VRTN: variants seen among roughly 807,000 people sequenced by gnomAD.
VRTN encodes the protein vertnin.
A neutral mutation model predicts 18.2 loss-of-function variants in VRTN; 5 were observed. That is an observed-to-expected ratio of 0.27 (90% CI 0.14 to 0.58). The LOEUF (loss-of-function observed/expected upper bound fraction) is 0.58, where lower values mean the gene tolerates loss of function less well. VRTN is among the 20% of genes least tolerant of loss of function. VRTN has a pLI of 0.91. For missense variants in VRTN, 741 were observed against 939.4 expected (o/e 0.79, Z 2.76); for synonymous variants, 381 against 393.7 (o/e 0.97, Z 0.38).
chr14:74,315,566 G>T (rs2085415090), intron 1 of VRTN, among the ~76,000 whole-genome samples: 1 of 152,152 alleles, frequency 6.6e-6, no homozygotes, highest in Non-Finnish European at 1.5e-5. Flanking sequence ...CAAACAAAAA[G>T]CATTTACTGA....
At chr14:74,322,152 A>T (rs1468325088) in intron 1 of VRTN, among the ~76,000 whole-genome samples, 3 of 143,672 alleles carry the variant, frequency 2.1e-5, no homozygotes, top group African/African-American at 5.1e-5. Flanking sequence ...GGCTCCCCAT[A>T]TTTTTTTTTT....
chr14:74,336,431 A>T (rs1183214871), intron 1 of VRTN, among the ~76,000 whole-genome samples: 2 of 151,872 alleles, frequency 1.3e-5, no homozygotes, highest in Non-Finnish European at 2.9e-5. Context: ...CTCTTTCCAC[A>T]AACCTCTTCT....
intron 1 of VRTN, among the ~76,000 whole-genome samples, chr14:74,315,597 A>G (rs2140193995): frequency 6.6e-6 from 1 of 152,348 alleles, no homozygotes; most frequent in South Asian, 2.1e-4. Flanking sequence ...TGTATGTGCC[A>G]GGCATAGGTG....
At chr14:74,315,782 A>T (rs2085416007) in intron 1 of VRTN, among the ~76,000 whole-genome samples, 1 of 152,156 alleles carries the variant, frequency 6.6e-6, no homozygotes, top group East Asian at 1.9e-4. Flanking sequence ...GACTATAGAG[A>T]TTGCATATTG....
chr14:74,324,773 G>A (rs1295547912), intron 1 of VRTN, among the ~76,000 whole-genome samples: 1 of 151,894 alleles, frequency 6.6e-6, no homozygotes, highest in Non-Finnish European at 1.5e-5. Flanking sequence ...TATGGCCCCA[G>A]CTACTCAGGA....
At position 74,356,847 on chromosome 14, in the gene VRTN, G is replaced by A. The variant is rs753558328; in HGVS notation, c.64G>A (p.Glu22Lys). ...GGAGCTGCAGGAAGCAGTGGAGTGC[G>A]AAGGCCTGGAGGGTCTCATAGGTGC... is the stretch of plus-strand genomic sequence containing the variant. Reference protein sequence around the residue: ...LQELQEAVECEGLEGLIGASL... With the variant: ...LQELQEAVECKGLEGLIGASL... Residue 22 changes from glutamate to lysine, a missense_variant, in exon 2 of 2, where the codon GAA (glutamate) becomes AAA (lysine). Coordinates refer to ENST00000256362, the MANE Select transcript of VRTN (RefSeq NM_018228.3). The A allele has an allele frequency of 5.2e-5, 84 of 1,613,322 alleles. 1 individual carries two copies. Among genetic ancestry groups the A allele is most frequent in the Non-Finnish European group, 6.4e-5 (76 of 1,179,730 alleles).
chr14:74,308,639 T>C (rs1261425786), intron 1 of VRTN, among the ~76,000 whole-genome samples: 2 of 151,602 alleles, frequency 1.3e-5, no homozygotes, highest in Non-Finnish European at 2.9e-5. Context: ...CTCAGCCTCC[T>C]ATGTAGCTGG....
At chr14:74,333,386 A>AAAAAATAAAT (rs2085542054) in intron 1 of VRTN, among the ~76,000 whole-genome samples, 1 of 151,972 alleles carries the variant, frequency 6.6e-6, no homozygotes, top group Non-Finnish European at 1.5e-5. Flanking sequence ...CCATCTCAAA[A>AAAAAATAAAT]AAAAGAGGTG....
upstream of VRTN, among the ~76,000 whole-genome samples, chr14:74,344,749 G>GAAAAAAAAAAAAAAAAAAAAAA (rs1323636061): frequency 3.2e-5 from 1 of 31,434 alleles, no homozygotes; most frequent in African/African-American, 1.8e-4. Context: ...AAAAAAAAAT[G>GAAAAAAAAAAAAAAAAAAAAAA]AAAAAAAGAA....
intron 1 of VRTN, among the ~76,000 whole-genome samples, chr14:74,309,980 G>A (rs1475808369): frequency 6.6e-6 from 1 of 152,090 alleles, no homozygotes; most frequent in African/African-American, 2.4e-5. Flanking sequence ...CAATCACAAG[G>A]ATGTTTCTAC....
intron 1 of VRTN, among the ~76,000 whole-genome samples, chr14:74,321,246 A>G (rs911008630): frequency 6.6e-6 from 1 of 152,114 alleles, no homozygotes; most frequent in Non-Finnish European, 1.5e-5. Flanking sequence ...AGAGAGGAAA[A>G]TTGTTGATGT....
intron 1 of VRTN, among the ~76,000 whole-genome samples, chr14:74,312,832 T>A (rs187731015): frequency 1.4e-3 from 197 of 143,102 alleles, no homozygotes; most frequent in African/African-American, 5.1e-3. Context: ...AACCTTCGCC[T>A]CCCAGGTTCA....
intron 2 of VRTN, chr14:74,337,891 G>A (rs578251802): frequency 8.5e-5 from 13 of 152,198 alleles, no homozygotes; most frequent in African/African-American, 3.1e-4. Flanking sequence ...GCAGGTAAGT[G>A]TCCTTCCCCT....
rs929636559 is a variant in VRTN, at chr14:74,348,636, T to G, written c.-18T>G. On this transcript the variant is annotated 5_prime_UTR_variant, in exon 1 of 2. Transcript: ENST00000256362. ...AGCGAGAAGTGGATGCCCCCAGGGC[T>G]CTGGGTCACACTCCAGGTCAGTAAA... The G allele has an allele frequency of 1.3e-5, 2 of 152,270 alleles. No homozygotes were observed. The highest frequency in any genetic ancestry group is 4.8e-5 in the African/African-American group (2 of 41,436). 9.4% of individuals were successfully genotyped at this position (152,270 alleles called of 1,614,324 possible). A position where few individuals can be genotyped will look rare whatever the true frequency, so the allele number is the denominator to read the frequency against.
upstream of VRTN, among the ~76,000 whole-genome samples, chr14:74,344,577 C>T (rs2085630518): frequency 6.6e-6 from 1 of 150,452 alleles, no homozygotes; most frequent in Non-Finnish European, 1.5e-5. Context: ...ACTAAAAATA[C>T]AAAAAAATTA....
intron 1 of VRTN, among the ~76,000 whole-genome samples, chr14:74,327,394 T>C (rs2085494861): frequency 6.6e-6 from 1 of 152,132 alleles, no homozygotes; most frequent in African/African-American, 2.4e-5. Flanking sequence ...TCTGCACTGT[T>C]TACCTGTTTA....
chr14:74,353,429 G>C (rs957223796), intron 1 of VRTN, among the ~76,000 whole-genome samples: 3 of 152,162 alleles, frequency 2.0e-5, no homozygotes, highest in Non-Finnish European at 2.9e-5. Context: ...GTCAGGATTA[G>C]GACAGTGCAT....
chr14:74,353,791 T>C (rs528221683), intron 1 of VRTN, among the ~76,000 whole-genome samples: 5 of 152,244 alleles, frequency 3.3e-5, no homozygotes, highest in South Asian at 4.1e-4. Context: ...GGCGTGATCT[T>C]GGCTCACTGT....
chr14:74,346,778 T>A (rs1292960105), upstream of VRTN, among the ~76,000 whole-genome samples: 1 of 150,888 alleles, frequency 6.6e-6, no homozygotes, highest in African/African-American at 2.5e-5. Flanking sequence ...ACACTCTTAC[T>A]TTTGTAATGG....
Sources: allele counts gnomAD v4.1 joint callset (sites outside exome capture counted in the v4.1 genomes callset), GRCh38; gene constraint gnomAD v4.1.1; transcripts MANE v1.5; gene names NCBI Gene and HGNC (gene_info 2026-07-23, HGNC 2026-07-21).